ERG: variants seen among roughly 807,000 people sequenced by gnomAD.
The protein encoded by ERG is ETS transcription factor ERG.
In ERG, 9 loss-of-function variants were observed where a neutral mutation model predicts 55.3. That is an observed-to-expected ratio of 0.16 (90% CI 0.10 to 0.28). ERG has a LOEUF of 0.28. ERG is among the 10% of genes least tolerant of loss of function. The probability of loss-of-function intolerance (pLI) is 1.00; values close to 1 mark genes in which losing one functional copy is unlikely to be tolerated. For missense variants in ERG, 434 were observed against 631.6 expected (o/e 0.69, Z 3.35); for synonymous variants, 223 against 237.3 (o/e 0.94, Z 0.55).
Position 38,439,244 on chromosome 21 carries a change from A to C in ERG, c.236+6160T>G, listed in dbSNP as rs78194568. The stretch of plus-strand genomic sequence containing the variant: ...TGAGCTGGGGATGCTCAGATGGAGG[A>C]AAAGCAGCCTGCTCTGCACAGACCT... On this transcript the variant is annotated intron_variant, in intron 2 of 9. Transcript: ENST00000288319. Among the ~76,000 whole-genome samples, 906 of 152,316 alleles carry C rather than the reference A, an allele frequency of 5.9e-3. 8 individuals carry two copies. Among genetic ancestry groups the C allele is most frequent in the African/African-American group, 0.02 (814 of 41,566 alleles).
At chr21:38,431,742 TGA>T (rs1990223233) in intron 2 of ERG, among the ~76,000 whole-genome samples, 1 of 152,200 alleles carries the variant, frequency 6.6e-6, no homozygotes. Flanking sequence ...GGTTAAGCTT[TGA>T]GAGTTTTTCT....
At chr21:38,494,896 A>G (rs1470024693) in intron 1 of ERG, among the ~76,000 whole-genome samples, 1 of 152,248 alleles carries the variant, frequency 6.6e-6, no homozygotes, top group Admixed American at 6.5e-5. Context: ...GAGCTGACCA[A>G]GAACGGAAGC....
At chr21:38,585,160 G>GAA (rs1409503275), upstream of ERG, among the ~76,000 whole-genome samples, 1 of 152,198 alleles carries the variant, frequency 6.6e-6, no homozygotes, top group Non-Finnish European at 1.5e-5. Flanking sequence ...AATCGGGAGT[G>GAA]AAAGCAAGGC....
downstream of ERG, among the ~76,000 whole-genome samples, chr21:38,375,757 T>C (rs1987223842): frequency 6.6e-6 from 1 of 152,220 alleles, no homozygotes; most frequent in African/African-American, 2.4e-5. Context: ...ACTTGTTTAC[T>C]TGGTGTGTAT....
intron 1 of ERG, among the ~76,000 whole-genome samples, chr21:38,459,192 C>T (rs529431993): frequency 1.8e-4 from 27 of 152,252 alleles, no homozygotes; most frequent in Admixed American, 6.5e-4. Flanking sequence ...GGAAGCGCAG[C>T]GCATTTAATT....
At chr21:38,605,128 C>T (rs463763) in intron 1 of ERG, among the ~76,000 whole-genome samples, 5,475 of 152,162 alleles carry the variant, frequency 0.036, 259 homozygotes, top group East Asian at 0.24. Context: ...TTGTTCTCTC[C>T]TTCCCCACTT....
At position 38,445,631 on chromosome 21, in the gene ERG, CA is replaced by C; in HGVS notation, c.19-11del. The C allele has an allele frequency of 6.2e-7, 1 of 1,608,386 alleles. No individual in the cohort carries two copies. Among genetic ancestry groups the C allele is most frequent in the Non-Finnish European group, 8.5e-7 (1 of 1,174,938 alleles). ...CAACTGATAAGGCTTCCTGAATGCC[CA>C]AAGAAACACATAATTCAAGACACTC... On this transcript the variant is annotated splice_polypyrimidine_tract_variant and intron_variant, in intron 1 of 9. Coordinates refer to ENST00000288319, the MANE Select transcript of ERG (RefSeq NM_182918.4).
chr21:38,392,490 T>C, intron 6 of ERG, 46 bp from the exon 7 acceptor site: 1 of 1,308,434 alleles, frequency 7.6e-7, no homozygotes, highest in Non-Finnish European at 1.0e-6. Context: ...ATGTAATTTT[T>C]ATAAGAGATG....
At chr21:38,490,131 C>T (rs2059322706) in intron 1 of ERG, among the ~76,000 whole-genome samples, 1 of 152,068 alleles carries the variant, frequency 6.6e-6, no homozygotes. Context: ...TAATTGGGAG[C>T]TCACTGTGTC....
chr21:38,391,824 G>T, intron 7 of ERG, 109 bp from the exon 8 acceptor site: 1 of 875,126 alleles, frequency 1.1e-6, no homozygotes, highest in South Asian at 1.8e-5. Flanking sequence ...TAACATAATA[G>T]TCTAACTCAG....
chr21:38,636,043 TGGGG>T (rs2060386031), intron 1 of ERG, among the ~76,000 whole-genome samples: 1 of 146,242 alleles, frequency 6.8e-6, no homozygotes, highest in African/African-American at 2.5e-5. Flanking sequence ...AACTGAATCA[TGGGG>T]GTGGTACCCT....
In ERG at chr21:38,382,565, T is replaced by G. The variant is rs1327369750; in HGVS notation, c.*838A>C. The G allele has an allele frequency of 2.9e-5, 31 of 1,065,896 alleles. No homozygotes were observed. The highest frequency in any genetic ancestry group is 5.0e-5 in the East Asian group (1 of 20,096). 66.0% of individuals were successfully genotyped at this position (1,065,896 alleles called of 1,614,324 possible). On this transcript the variant is annotated 3_prime_UTR_variant, in exon 10 of 10. Transcript: ENST00000288319. ...CCTAACACTGGGTTTGGTATAACAC[T>G]GACTGCATGAACCCTCGAGTCTCCA...
At chr21:38,610,148 C>T (rs1374191650) in intron 1 of ERG, among the ~76,000 whole-genome samples, 1 of 152,182 alleles carries the variant, frequency 6.6e-6, no homozygotes, top group Non-Finnish European at 1.5e-5. Flanking sequence ...GATCACTATT[C>T]AAACACACAG....
chr21:38,458,854 A>G (rs1045881160), intron 1 of ERG, among the ~76,000 whole-genome samples: 1 of 152,140 alleles, frequency 6.6e-6, no homozygotes, highest in African/African-American at 2.4e-5. Flanking sequence ...TGGTTCTGAC[A>G]CTGTCCTGCC....
At chr21:38,369,718 C>T in the ERG span, among the ~76,000 whole-genome samples, 1 of 152,072 alleles carries the variant, frequency 6.6e-6, no homozygotes, top group Non-Finnish European at 1.5e-5. Context: ...AATGATATTG[C>T]CTAGGTTGTC....
the ERG span, among the ~76,000 whole-genome samples, chr21:38,369,372 G>A: frequency 6.6e-6 from 1 of 152,190 alleles, no homozygotes; most frequent in South Asian, 2.1e-4. Flanking sequence ...GATCAGTCAT[G>A]TTGAGCTGTT....
chr21:38,381,491 G>A lies in ERG; in HGVS notation c.*1912C>T. Reference sequence around the variant, plus strand: ...ACAGTGCCCAGGTAACTCTGATGTAGCAGGACTAAAGCTGTCTACCTAGTG... The same window carrying A: ...ACAGTGCCCAGGTAACTCTGATGTAACAGGACTAAAGCTGTCTACCTAGTG... On this transcript the variant is annotated 3_prime_UTR_variant, in exon 10 of 10. Transcript: ENST00000288319. 9.4e-7 allele frequency: 1 copy of A among 1,063,666 alleles called. No individual in the cohort carries two copies. The highest frequency in any genetic ancestry group is 1.1e-6 in the Non-Finnish European group (1 of 878,284). 65.9% of individuals were successfully genotyped at this position (1,063,666 alleles called of 1,614,324 possible). A position where few individuals can be genotyped will look rare whatever the true frequency, so the allele number is the denominator to read the frequency against.
At chr21:38,386,468 AAAATG>A (rs1350895688) in intron 9 of ERG, among the ~76,000 whole-genome samples, 4 of 152,264 alleles carry the variant, frequency 2.6e-5, no homozygotes, top group Non-Finnish European at 5.9e-5. Context: ...AGAATTCTCA[AAAATG>A]AACAATGGTT....
rs377310789 is a variant in ERG, at chr21:38,429,742, T to TAC, written c.237-6182_237-6181insGT. ...ATGTCTATATATATGTGTGTATATATATATACACACACACACACACACCAC... is the reference window on the plus strand; with the variant it reads ...ATGTCTATATATATGTGTGTATATATACATATACACACACACACACACACCAC... On this transcript the variant is annotated intron_variant, in intron 2 of 9. Coordinates refer to ENST00000288319, the MANE Select transcript of ERG (RefSeq NM_182918.4). 8.5e-4 allele frequency among the ~76,000 whole-genome samples: 90 copies of TAC among 105,954 alleles called. 4 individuals carry two copies. The highest frequency in any genetic ancestry group is 6.5e-4 in the South Asian group (2 of 3,070). The allele number at this position is 105,954 out of a possible 152,430, so 69.5% of individuals were successfully genotyped here.
Sources: allele counts gnomAD v4.1 joint callset (sites outside exome capture counted in the v4.1 genomes callset), GRCh38; gene constraint gnomAD v4.1.1; transcripts MANE v1.5; gene names NCBI Gene and HGNC (gene_info 2026-07-23, HGNC 2026-07-21).